The following NTM variants were observed in gnomAD, a reference collection of about 807,000 sequenced individuals.
NTM encodes the protein IgLON family member 2.
In NTM, 13 loss-of-function variants were observed where a neutral mutation model predicts 42.1. The ratio of observed to expected loss-of-function variants is 0.31; its 90% CI spans 0.20 to 0.49. The LOEUF is 0.49. NTM is among the 20% of genes least tolerant of loss of function. The probability of loss-of-function intolerance (pLI) is 0.99; values close to 1 mark genes in which losing one functional copy is unlikely to be tolerated. For missense variants in NTM, 373 were observed against 452.8 expected (o/e 0.82, Z 1.60); for synonymous variants, 187 against 179.2 (o/e 1.04, Z -0.35).
At chr11:131,982,997 G>T (rs1364118706) in intron 2 of NTM, among the ~76,000 whole-genome samples, 1 of 151,962 alleles carries the variant, frequency 6.6e-6, no homozygotes, top group Non-Finnish European at 1.5e-5. Context: ...GGCATGCCCA[G>T]ATTCAGTTTC....
intron 2 of NTM, among the ~76,000 whole-genome samples, chr11:131,990,092 AC>A (rs1257412601): frequency 6.6e-6 from 1 of 152,126 alleles, no homozygotes; most frequent in Non-Finnish European, 1.5e-5. Flanking sequence ...CCCAAAAGCA[AC>A]CTGTACATTT....
chr11:132,269,093 G>T (rs1269019785), intron 4 of NTM, among the ~76,000 whole-genome samples: 1 of 152,148 alleles, frequency 6.6e-6, no homozygotes, highest in East Asian at 1.9e-4. Flanking sequence ...AAATGTAAGA[G>T]TGGCTGCTGT....
At chr11:132,189,242 A>T (rs1353755332) in intron 3 of NTM, among the ~76,000 whole-genome samples, 1 of 152,216 alleles carries the variant, frequency 6.6e-6, no homozygotes, top group Non-Finnish European at 1.5e-5. Context: ...ATCATGAAAA[A>T]TACAGCCAGC....
At chr11:132,211,920 C>T in intron 3 of NTM, 102 bp from the exon 4 acceptor site, 1 of 1,040,182 alleles carries the variant, frequency 9.6e-7, no homozygotes, top group Non-Finnish European at 1.3e-6. Flanking sequence ...TTACTGTAGT[C>T]CATATATTTT....
At chr11:131,970,017 C>T (rs556295718) in intron 2 of NTM, among the ~76,000 whole-genome samples, 8 of 152,274 alleles carry the variant, frequency 5.3e-5, no homozygotes, top group Non-Finnish European at 1.0e-4. Context: ...CACTGTGTTG[C>T]CATGCTGGTC....
intron 2 of NTM, among the ~76,000 whole-genome samples, chr11:132,053,356 C>T (rs2079130030): frequency 6.6e-6 from 1 of 152,166 alleles, no homozygotes; most frequent in Non-Finnish European, 1.5e-5. Flanking sequence ...TGTGAGGTCA[C>T]CCATAGATGA....
At chr11:131,911,359 C>G (rs1183137114) in intron 1 of NTM, 2 of 1,531,538 alleles carry the variant, frequency 1.3e-6, no homozygotes, top group South Asian at 1.3e-5. Context: ...CCGCGCCTCC[C>G]GGTCGCCGCG....
intron 4 of NTM, among the ~76,000 whole-genome samples, chr11:132,275,011 T>A: frequency 6.6e-6 from 1 of 152,154 alleles, no homozygotes; most frequent in Non-Finnish European, 1.5e-5. Context: ...TATATTTGGA[T>A]TGCAAACATT....
At chr11:132,177,842 C>A (rs1464553418) in intron 3 of NTM, among the ~76,000 whole-genome samples, 1 of 152,196 alleles carries the variant, frequency 6.6e-6, no homozygotes, top group African/African-American at 2.4e-5. Flanking sequence ...CTGGGTAAAC[C>A]TCTAGTTAAT....
intron 1 of NTM, among the ~76,000 whole-genome samples, chr11:131,845,177 A>G (rs948704646): frequency 2.6e-5 from 4 of 152,178 alleles, no homozygotes; most frequent in African/African-American, 9.7e-5. Flanking sequence ...ATATTTTATT[A>G]AATAGTTGTT....
chr11:131,917,527 T>C (rs929781941), intron 2 of NTM, among the ~76,000 whole-genome samples: 2 of 152,178 alleles, frequency 1.3e-5, no homozygotes, highest in African/African-American at 4.8e-5. Context: ...AGTCCTTAAG[T>C]CTTTGAAGGA....
At chr11:132,313,258 G>A (rs1039880027) in intron 6 of NTM, among the ~76,000 whole-genome samples, 1 of 152,008 alleles carries the variant, frequency 6.6e-6, no homozygotes, top group African/African-American at 2.4e-5. Context: ...TGTGCGGTCC[G>A]CAAAGCATTT....
At chr11:131,936,534 A>G (rs887077332) in intron 2 of NTM, among the ~76,000 whole-genome samples, 5 of 152,236 alleles carry the variant, frequency 3.3e-5, no homozygotes, top group South Asian at 4.1e-4. Flanking sequence ...TACCTAATGG[A>G]TACAATGTAT....
At chr11:131,393,186 G>A (rs931665618) in intron 1 of NTM, among the ~76,000 whole-genome samples, 48 of 152,200 alleles carry the variant, frequency 3.2e-4, no homozygotes, top group Admixed American at 6.5e-5. Flanking sequence ...GGGACCTCAC[G>A]GACCCTGCTC....
chr11:131,835,192 A>G (rs892218644), intron 1 of NTM, among the ~76,000 whole-genome samples: 1 of 152,172 alleles, frequency 6.6e-6, no homozygotes, highest in Admixed American at 6.5e-5. Flanking sequence ...TTGGGCTCAG[A>G]TCTGAAGATA....
chr11:132,226,711 C>T (rs944508684), intron 4 of NTM, among the ~76,000 whole-genome samples: 3 of 152,122 alleles, frequency 2.0e-5, no homozygotes, highest in Admixed American at 6.5e-5. Context: ...CTGTTGATTT[C>T]GTCCATCAAG....
intron 2 of NTM, among the ~76,000 whole-genome samples, chr11:132,014,294 C>T (rs192124461): frequency 5.3e-5 from 8 of 152,124 alleles, no homozygotes; most frequent in South Asian, 4.2e-4. Context: ...ATTCATCAGT[C>T]GATGGACAGT....
intron 2 of NTM, among the ~76,000 whole-genome samples, chr11:132,013,699 C>T (rs1318606142): frequency 6.6e-6 from 1 of 151,988 alleles, no homozygotes; most frequent in African/African-American, 2.4e-5. Flanking sequence ...ATTTTATGGA[C>T]CATAAAATTT....
chr11:131,691,983 C>A lies in NTM; in HGVS notation c.83-219581C>A, dbSNP rs562566131. Among the ~76,000 whole-genome samples the A allele has an allele frequency of 7.2e-5, 11 of 152,162 alleles. No individual in the cohort carries two copies. The East Asian group carries it at 2.1e-3, about 30-fold the overall frequency. ...CTGGACCCCCTCCTGGATGGGACTGCGGGCAGGCGTGGGAACTGTCATCAA... is the reference window on the plus strand; with the variant it reads ...CTGGACCCCCTCCTGGATGGGACTGAGGGCAGGCGTGGGAACTGTCATCAA... On this transcript the variant is annotated intron_variant, in intron 1 of 8. Transcript: ENST00000683400.
Sources: gnomAD v4.1 joint callset for allele counts (sites outside exome capture counted in the v4.1 genomes callset) on GRCh38, gnomAD v4.1.1 for gene constraint, MANE v1.5 for transcripts, NCBI Gene and HGNC (gene_info 2026-07-23, HGNC 2026-07-21) for gene names.